NPSR1: variants seen among roughly 807,000 people sequenced by gnomAD.
NPSR1 encodes the protein neuropeptide S receptor 1.
Under a neutral mutation model 46.9 loss-of-function variants are expected in NPSR1, and 48 were observed. The ratio of observed to expected loss-of-function variants is 1.02; its 90% CI spans 0.81 to 1.30. The LOEUF (loss-of-function observed/expected upper bound fraction) is 1.30. Ranked by LOEUF, NPSR1 falls within the 50% of genes most tolerant of loss-of-function variation. The probability of loss-of-function intolerance (pLI) is 0.00; values close to 1 mark genes in which losing one functional copy is unlikely to be tolerated. For missense variants in NPSR1, 450 were observed against 449.5 expected, an observed-to-expected ratio of 1.00 and a Z score of -0.01; for synonymous variants, 176 against 168.1, an observed-to-expected ratio of 1.05 and a Z score of -0.36.
intron 3 of NPSR1, among the ~76,000 whole-genome samples, chr7:34,798,966 G>A (rs911929842): frequency 1.3e-5 from 2 of 152,014 alleles, no homozygotes; most frequent in African/African-American, 4.8e-5. Flanking sequence ...AGTTCTTTGA[G>A]TGAAATTTAT....
At chr7:34,812,253 C>A (rs73093081) in intron 4 of NPSR1, among the ~76,000 whole-genome samples, 3 of 152,078 alleles carry the variant, frequency 2.0e-5, no homozygotes, top group Non-Finnish European at 4.4e-5. Context: ...TTTCCAGAAA[C>A]AAACACCTTG....
chr7:34,821,515 A>G (rs987121054), intron 4 of NPSR1, among the ~76,000 whole-genome samples: 6 of 152,212 alleles, frequency 3.9e-5, no homozygotes, highest in Non-Finnish European at 7.3e-5. Flanking sequence ...ATCGACGCCA[A>G]AGTATTTTAA....
intron 2 of NPSR1, among the ~76,000 whole-genome samples, chr7:34,771,717 T>C (rs892366591): frequency 6.6e-6 from 1 of 152,156 alleles, no homozygotes; most frequent in Non-Finnish European, 1.5e-5. Flanking sequence ...CTGACTTCTA[T>C]AGTATGGGTT....
intron 2 of NPSR1, chr7:34,750,300 T>A: frequency 1.4e-6 from 1 of 697,618 alleles, no homozygotes; most frequent in Non-Finnish European, 2.7e-6. Context: ...GTTATTTTCT[T>A]GGGTGTCCTG....
intron 5 of NPSR1, among the ~76,000 whole-genome samples, chr7:34,831,839 C>T (rs985253713): frequency 1.3e-5 from 2 of 151,446 alleles, no homozygotes; most frequent in African/African-American, 2.4e-5. Context: ...GATTCACAAC[C>T]GACAATTGCA....
intron 1 of NPSR1, among the ~76,000 whole-genome samples, chr7:34,664,947 C>T (rs1440523110): frequency 6.6e-6 from 1 of 152,158 alleles, no homozygotes; most frequent in Non-Finnish European, 1.5e-5. Context: ...ATCTATTACT[C>T]TTGTCAGCAC....
At chr7:34,716,898 G>A (rs17169991) in intron 2 of NPSR1, among the ~76,000 whole-genome samples, 25,468 of 152,052 alleles carry the variant, frequency 0.17, 2,378 homozygotes, top group East Asian at 0.34. Context: ...AGACCAGAGT[G>A]TCAGGGGCAG....
intron 8 of NPSR1, chr7:34,849,253 C>T (rs1432864677): frequency 2.1e-5 from 21 of 989,660 alleles, no homozygotes; most frequent in Non-Finnish European, 2.8e-5. Context: ...ATTGTTTATT[C>T]GTAGCGATGT....
intron 7 of NPSR1, among the ~76,000 whole-genome samples, chr7:34,847,519 T>A (rs1790779026): frequency 6.6e-6 from 1 of 152,150 alleles, no homozygotes; most frequent in African/African-American, 2.4e-5. Flanking sequence ...GTGTAGGTTC[T>A]AGTCCAAGTC....
At chr7:34,767,701 C>G (rs73693309) in intron 2 of NPSR1, among the ~76,000 whole-genome samples, 4,315 of 152,208 alleles carry the variant, frequency 0.028, 137 homozygotes, top group African/African-American at 0.076. Flanking sequence ...CAAAAGAAAT[C>G]TCTGAATGAT....
At chr7:34,714,325 G>A (rs1783451824) in intron 2 of NPSR1, among the ~76,000 whole-genome samples, 1 of 152,232 alleles carries the variant, frequency 6.6e-6, no homozygotes, top group Admixed American at 6.5e-5. Context: ...GGTTCAGGGA[G>A]ACGGGACCAC....
chr7:34,834,466 T>C lies in NPSR1; in HGVS notation c.757+6T>C. On this transcript the variant is annotated splice_donor_region_variant and intron_variant, in intron 6 of 8. Transcript: ENST00000360581. ...AGTGATTTCCAACTGCTCAGGTAAG[T>C]CTCTACTCTGCATGGCCCAATTCTT... 2 of 1,600,370 alleles carry C rather than the reference T, an allele frequency of 1.2e-6. No homozygotes were observed. Among genetic ancestry groups the C allele is most frequent in the Non-Finnish European group, 1.7e-6 (2 of 1,167,594 alleles).
chr7:34,775,525 C>T (rs1359253372), intron 2 of NPSR1, among the ~76,000 whole-genome samples: 1 of 152,082 alleles, frequency 6.6e-6, no homozygotes, highest in African/African-American at 2.4e-5. Flanking sequence ...TGTTATTGGT[C>T]ATAGTTCAAT....
chr7:34,791,065 TTATATTATATATGTTATATGTTATA>T, intron 3 of NPSR1, among the ~76,000 whole-genome samples: 1 of 116,612 alleles, frequency 8.6e-6, no homozygotes, highest in Admixed American at 9.6e-5. Flanking sequence ...ATGTTATATA[TTATATTATATATGTTATATGTTATA>T]TATATTATAT....
At chr7:34,858,052 G>A in intron 8 of NPSR1, among the ~76,000 whole-genome samples, 1 of 151,790 alleles carries the variant, frequency 6.6e-6, no homozygotes, top group African/African-American at 2.4e-5. Context: ...ATGTTGCTGA[G>A]GATGTACAGC....
intron 2 of NPSR1, among the ~76,000 whole-genome samples, chr7:34,722,122 T>A (rs910881537): frequency 6.6e-6 from 1 of 152,096 alleles, no homozygotes; most frequent in Non-Finnish European, 1.5e-5. Flanking sequence ...AAATTCCCAA[T>A]GAATTATTTA....
chr7:34,835,847 G>A (rs952990235), intron 6 of NPSR1, among the ~76,000 whole-genome samples: 1 of 152,180 alleles, frequency 6.6e-6, no homozygotes, highest in Admixed American at 6.5e-5. Context: ...ATCGCCTGGG[G>A]AGGTTTTACA....
chr7:34,855,805 G>A (rs1791036194), intron 8 of NPSR1, among the ~76,000 whole-genome samples: 1 of 151,970 alleles, frequency 6.6e-6, no homozygotes, highest in South Asian at 2.1e-4. Context: ...ATATAACAAG[G>A]CTAACATATG....
intron 2 of NPSR1, among the ~76,000 whole-genome samples, chr7:34,774,511 C>T (rs1257197757): frequency 1.3e-5 from 2 of 152,194 alleles, no homozygotes; most frequent in African/African-American, 4.8e-5. Flanking sequence ...GTTCCAAATA[C>T]ATTTGGTGCC....
Sources: allele counts gnomAD v4.1 joint callset (sites outside exome capture counted in the v4.1 genomes callset), GRCh38; gene constraint gnomAD v4.1.1; transcripts MANE v1.5; gene names NCBI Gene and HGNC (gene_info 2026-07-23, HGNC 2026-07-21).